Variants in KDM5A observed in about 807,000 individuals in gnomAD.
KDM5A encodes the protein lysine-specific demethylase 5A.
In KDM5A, 42 loss-of-function variants were observed where a neutral mutation model predicts 193.5. The observed-to-expected ratio is 0.22, with a 90% CI of 0.17 to 0.28. The LOEUF (loss-of-function observed/expected upper bound fraction) is 0.28. Ranked by LOEUF, KDM5A falls within the 10% of genes least tolerant of loss-of-function variation. KDM5A has a pLI of 1.00. For missense variants in KDM5A, 1,692 were observed against 2,055.1 expected (o/e 0.82, Z 3.42); for synonymous variants, 796 against 718.1 (o/e 1.11, Z -1.73).
At chr12:328,695 TA>T in intron 14 of KDM5A, 139 bp downstream of exon 14, 2 of 746,050 alleles carry the variant, frequency 2.7e-6, no homozygotes, top group Non-Finnish European at 4.4e-6. Context: ...ATGTCAATTA[TA>T]AAAATATAAA....
intron 24 of KDM5A, among the ~76,000 whole-genome samples, chr12:301,195 T>C (rs1461174277): frequency 5.3e-5 from 8 of 152,206 alleles, no homozygotes. Flanking sequence ...AGGATCATCC[T>C]GATAACAAAA....
At chr12:367,357 G>T (rs1186345244) in intron 3 of KDM5A, among the ~76,000 whole-genome samples, 2 of 150,496 alleles carry the variant, frequency 1.3e-5, no homozygotes, top group Non-Finnish European at 3.0e-5. Flanking sequence ...TTCAAACCAT[G>T]CTGGACAATA....
At position 389,114 on chromosome 12, in the gene KDM5A, G is replaced by GCCCCC; in HGVS notation, c.-24_-23insGGGGG. 1 of 1,514,330 alleles carries GCCCCC rather than the reference G, an allele frequency of 6.6e-7. No homozygotes were observed. The allele number at this position is 1,514,330 out of a possible 1,614,324, so 93.8% of individuals were successfully genotyped here. A position where few individuals can be genotyped will look rare whatever the true frequency, so the allele number is the denominator to read the frequency against. On this transcript the variant is annotated 5_prime_UTR_variant, in exon 1 of 28. Coordinates refer to ENST00000399788, the MANE Select transcript of KDM5A (RefSeq NM_001042603.3). Reference sequence around the variant, plus strand: ...CATTGCAACGGCCGGGGGGGGGGGGGGGTCCCCGTGGGGAACCGGTGGAGA... The same window carrying GCCCCC: ...CATTGCAACGGCCGGGGGGGGGGGGGCCCCCGGTCCCCGTGGGGAACCGGTGGAGA...
At chr12:291,584 T>C (rs1943294673) in intron 27 of KDM5A, among the ~76,000 whole-genome samples, 2 of 152,202 alleles carry the variant, frequency 1.3e-5, no homozygotes, top group Admixed American at 1.3e-4. Flanking sequence ...GGTTTAAGTA[T>C]TTCATTGAAA....
At chr12:345,955 C>A (rs1490671426) in intron 10 of KDM5A, among the ~76,000 whole-genome samples, 1 of 152,098 alleles carries the variant, frequency 6.6e-6, no homozygotes, top group African/African-American at 2.4e-5. Context: ...AAAAAACCTT[C>A]AAAACATCAA....
In KDM5A at chr12:320,979, G is replaced by C. The variant is rs2137407538; in HGVS notation, c.2541+16C>G. 6.5e-7 allele frequency: 1 copy of C among 1,549,960 alleles called. No individual in the cohort carries two copies. Among genetic ancestry groups the C allele is most frequent in the East Asian group, 2.2e-5 (1 of 44,552 alleles). On this transcript the variant is annotated intron_variant, in intron 18 of 27. Coordinates refer to ENST00000399788, the MANE Select transcript of KDM5A (RefSeq NM_001042603.3). Reference sequence around the variant, plus strand: ...TCACAAAGGACATTACCCAAAAAAAGGATGTAATACTCCACCTTTACTTGC... The same window carrying C: ...TCACAAAGGACATTACCCAAAAAAACGATGTAATACTCCACCTTTACTTGC...
In KDM5A at chr12:362,982, G is replaced by C; in HGVS notation, c.653C>G (p.Thr218Arg). The C allele has an allele frequency of 6.2e-7, 1 of 1,614,146 alleles. No homozygotes were observed. Among genetic ancestry groups the C allele is most frequent in the Non-Finnish European group, 8.5e-7 (1 of 1,180,024 alleles). Residue 218 changes from threonine (T) to arginine (R), a missense_variant, in exon 5 of 28, where the codon ACA becomes AGA. Transcript: ENST00000399788. ...GTRMNILPKR[T>R]RRVKTQSESG... is the part of the protein sequence containing the mutation. ...TGATACCTGAGTCTTCACACGTCTT[G>C]TTCTCTTCGGCAGAATGTTCATCCT...
At chr12:321,486 C>T (rs764614) in intron 17 of KDM5A, among the ~76,000 whole-genome samples, 57,379 of 152,050 alleles carry the variant, frequency 0.38, 12,015 homozygotes, top group East Asian at 0.58. Context: ...ATTTTGTGTG[C>T]ACATGATTTT....
chr12:303,881 G>A (rs1943474196), intron 24 of KDM5A, among the ~76,000 whole-genome samples: 1 of 152,194 alleles, frequency 6.6e-6, no homozygotes, highest in Non-Finnish European at 1.5e-5. Context: ...TTCATGTAAT[G>A]TCATTGGTAG....
intron 13 of KDM5A, 22 bp from the exon 14 acceptor site, chr12:329,051 T>C: frequency 6.2e-7 from 1 of 1,605,284 alleles, no homozygotes; most frequent in Non-Finnish European, 8.5e-7. Flanking sequence ...ATTTCCAAAT[T>C]AAATAACTCG....
chr12:285,461 T>C lies in KDM5A; in HGVS notation c.5068A>G (p.Ser1690Gly). 6.2e-7 allele frequency: 1 copy of C among 1,613,836 alleles called. No individual in the cohort carries two copies. The highest frequency in any genetic ancestry group is 8.5e-7 in the Non-Finnish European group (1 of 1,179,792). ...CCAAACTAACCAAGCATCTGCTAAC[T>C]GGTCTCTTTAAGATCCTCCATTGGT... is the stretch of plus-strand genomic sequence containing the variant. ...KLPMEDLKET[S>G] Residue 1690 changes from serine to glycine, a missense_variant, in exon 28 of 28, where the codon AGT becomes GGT. This residue lies in a region of KDM5A where 41 missense variants were observed against 36.3 expected (regional missense o/e 1.13). Transcript: ENST00000399788.
In KDM5A at chr12:307,343, G is replaced by A. The variant is rs1394549913; in HGVS notation, c.3930+111C>T. ...TTGAAGGAGAATGCAATGGATAATTGCTGACAAGTTACTGTTATTTTCCTA... is the reference window on the plus strand; with the variant it reads ...TTGAAGGAGAATGCAATGGATAATTACTGACAAGTTACTGTTATTTTCCTA... On this transcript the variant is annotated intron_variant, in intron 23 of 27. Coordinates refer to ENST00000399788, the MANE Select transcript of KDM5A (RefSeq NM_001042603.3). This position sits in a 1 kb window ranked among gnomAD's most constrained non-coding sequence, Gnocchi z 4.3. 6.6e-6 allele frequency: 8 copies of A among 1,219,598 alleles called. No homozygotes were observed. Among genetic ancestry groups the A allele is most frequent in the Middle Eastern group, 2.7e-4 (1 of 3,730 alleles). 75.5% of individuals were successfully genotyped at this position (1,219,598 alleles called of 1,614,324 possible).
chr12:324,115 G>A (rs376149706), intron 14 of KDM5A, among the ~76,000 whole-genome samples: 6 of 151,904 alleles, frequency 3.9e-5, no homozygotes, highest in Non-Finnish European at 8.8e-5. Flanking sequence ...GAGACCAGCC[G>A]GGGCAACAAA....
chr12:351,234 G>C (rs150623637), intron 9 of KDM5A, among the ~76,000 whole-genome samples: 1 of 152,072 alleles, frequency 6.6e-6, no homozygotes, highest in East Asian at 1.9e-4. Flanking sequence ...GACAGGCCCC[G>C]GTGTGTGATG....
At chr12:363,524 G>C (rs1944317346) in intron 4 of KDM5A, among the ~76,000 whole-genome samples, 1 of 152,144 alleles carries the variant, frequency 6.6e-6, no homozygotes, top group Admixed American at 6.5e-5. Context: ...GAAAAGGATA[G>C]CCTTTTAAAC....
intron 18 of KDM5A, among the ~76,000 whole-genome samples, chr12:320,763 T>C (rs1425733463): frequency 6.6e-6 from 1 of 152,026 alleles, no homozygotes; most frequent in African/African-American, 2.4e-5. Context: ...CTAAAATTAA[T>C]ATAGAAAAAA....
intron 24 of KDM5A, among the ~76,000 whole-genome samples, chr12:305,403 C>T (rs931599907): frequency 2.0e-5 from 3 of 152,094 alleles, no homozygotes; most frequent in Non-Finnish European, 4.4e-5. Flanking sequence ...GAGGAATCTA[C>T]GAGCGTCTAT....
intron 3 of KDM5A, among the ~76,000 whole-genome samples, chr12:370,558 A>C (rs1347173108): frequency 6.6e-6 from 1 of 152,234 alleles, no homozygotes; most frequent in Non-Finnish European, 1.5e-5. Context: ...CCGTTTATCA[A>C]AACTTGACCA....
chr12:368,477 A>G (rs1944384570), intron 3 of KDM5A, among the ~76,000 whole-genome samples: 1 of 152,164 alleles, frequency 6.6e-6, no homozygotes, highest in Non-Finnish European at 1.5e-5. Flanking sequence ...CACATCTGTA[A>G]TCCCAGCACT....
Sources: allele counts gnomAD v4.1 joint callset (sites outside exome capture counted in the v4.1 genomes callset), GRCh38; gene constraint gnomAD v4.1.1; regional missense constraint gnomAD v4.1.1; non-coding constraint Gnocchi (gnomAD v3.1); transcripts MANE v1.5; gene names NCBI Gene and HGNC (gene_info 2026-07-23, HGNC 2026-07-21).